The following SCAPER variants were observed in gnomAD, a reference collection of about 807,000 sequenced individuals.
The protein encoded by SCAPER is S phase cyclin A-associated protein in the endoplasmic reticulum.
Under a neutral mutation model 182.2 loss-of-function variants are expected in SCAPER, and 98 were observed. The ratio of observed to expected loss-of-function variants is 0.54; its 90% CI spans 0.46 to 0.64. The LOEUF (loss-of-function observed/expected upper bound fraction) is 0.64, where lower values mean the gene tolerates loss of function less well. SCAPER is among the 30% of genes least tolerant of loss of function. SCAPER has a pLI of 0.00. For synonymous variants in SCAPER, 605 were observed against 564.6 expected (o/e 1.07, Z -1.01); for missense variants, 1,432 against 1,690.0 (o/e 0.85, Z 2.68).
At position 76,795,411 on chromosome 15, in the gene SCAPER, C is replaced by G; in HGVS notation, c.641G>C (p.Arg214Pro). 1 of 1,606,546 alleles carries G rather than the reference C, an allele frequency of 6.2e-7. No individual in the cohort carries two copies. Reference sequence around the variant, plus strand: ...CCAACTGACACCTGTGGGAGCCAGACGAGGAGCTGGCACTGTGCCAGTTGA... The same window carrying G: ...CCAACTGACACCTGTGGGAGCCAGAGGAGGAGCTGGCACTGTGCCAGTTGA... ...GGSTGTVPAP[R>P]LAPTGVSWAD... Residue 214 changes from arginine (R) to proline (P), a missense_variant, in exon 8 of 32, where the codon CGT becomes CCT. This residue lies in a region of SCAPER where 480 missense variants were observed against 510.2 expected (regional missense o/e 0.94). Transcript: ENST00000563290.
At chr15:76,393,539 T>A (rs1020722517) in intron 27 of SCAPER, among the ~76,000 whole-genome samples, 4 of 152,216 alleles carry the variant, frequency 2.6e-5, no homozygotes, top group Admixed American at 6.5e-5. Context: ...AACTCATTTA[T>A]CTTTAGGGTA....
intron 4 of SCAPER, among the ~76,000 whole-genome samples, chr15:76,849,851 T>C (rs904155674): frequency 2.6e-5 from 4 of 152,082 alleles, no homozygotes; most frequent in African/African-American, 9.7e-5. Flanking sequence ...TGGAGAGCCC[T>C]CAGGAAACTT....
chr15:76,473,291 CG>C (rs1681298016), intron 24 of SCAPER, among the ~76,000 whole-genome samples: 1 of 152,140 alleles, frequency 6.6e-6, no homozygotes, highest in Admixed American at 6.5e-5. Context: ...ACACCGTTAA[CG>C]ATTATCTGCC....
In SCAPER at chr15:76,771,717, T is replaced by C. The variant is rs774732153; in HGVS notation, c.1248+25A>G. On this transcript the variant is annotated intron_variant, in intron 10 of 31. Coordinates refer to ENST00000563290, the MANE Select transcript of SCAPER (RefSeq NM_020843.4). ...ATATACTCAGAATTCTGATAAGTTG[T>C]TCTTACCAAGTTAGCAGCACTCACA... 8 of 1,568,904 alleles carry C rather than the reference T, an allele frequency of 5.1e-6. No homozygotes were observed. The highest frequency in any genetic ancestry group is 1.4e-5 in the African/African-American group (1 of 74,058).
intron 8 of SCAPER, among the ~76,000 whole-genome samples, chr15:76,776,159 T>G (rs2151346502): frequency 6.6e-6 from 1 of 152,268 alleles, no homozygotes; most frequent in East Asian, 1.9e-4. Flanking sequence ...GCCTCCTATG[T>G]ATTCCAGACA....
chr15:76,485,228 A>G (rs1172521529), intron 24 of SCAPER, among the ~76,000 whole-genome samples: 7 of 151,906 alleles, frequency 4.6e-5, no homozygotes, highest in Non-Finnish European at 1.0e-4. Context: ...CAATGTGTAA[A>G]TATCACCGAC....
chr15:76,626,982 G>C (rs1303114413), intron 21 of SCAPER, among the ~76,000 whole-genome samples: 2 of 152,202 alleles, frequency 1.3e-5, no homozygotes, highest in African/African-American at 4.8e-5. Flanking sequence ...AGAATAGCAA[G>C]AGATAAGGTT....
chr15:76,864,404 T>C (rs1035407060), intron 2 of SCAPER, among the ~76,000 whole-genome samples: 1 of 152,220 alleles, frequency 6.6e-6, no homozygotes, highest in African/African-American at 2.4e-5. Context: ...AGCATTTACG[T>C]ATGGTTCTTA....
chr15:76,670,170 A>G (rs895779719), intron 20 of SCAPER, among the ~76,000 whole-genome samples: 6 of 151,890 alleles, frequency 4.0e-5, no homozygotes, highest in Non-Finnish European at 7.4e-5. Context: ...AAATGTGTTC[A>G]TTATACAAAA....
At chr15:76,454,522 G>T (rs1393940753) in intron 25 of SCAPER, among the ~76,000 whole-genome samples, 1 of 152,060 alleles carries the variant, frequency 6.6e-6, no homozygotes, top group Non-Finnish European at 1.5e-5. Context: ...CTTAAACAAA[G>T]ATTTTATTAC....
chr15:76,824,951 T>A (rs1054717408), intron 5 of SCAPER, among the ~76,000 whole-genome samples: 1 of 152,190 alleles, frequency 6.6e-6, no homozygotes, highest in African/African-American at 2.4e-5. Flanking sequence ...TCAACTCACT[T>A]GCAAGTTGGC....
At chr15:76,449,293 T>C (rs777978486) in intron 25 of SCAPER, among the ~76,000 whole-genome samples, 2 of 152,236 alleles carry the variant, frequency 1.3e-5, no homozygotes, top group Non-Finnish European at 2.9e-5. Context: ...TTATTTCATG[T>C]AGTAAATCTC....
chr15:76,606,938 A>C (rs1383539756), intron 22 of SCAPER, among the ~76,000 whole-genome samples: 1 of 152,174 alleles, frequency 6.6e-6, no homozygotes, highest in Admixed American at 6.5e-5. Flanking sequence ...TTTCCTGAAT[A>C]CAGCACACTG....
At chr15:76,349,838 CA>C (rs2040417547) in intron 31 of SCAPER, 1 of 151,916 alleles carries the variant, frequency 6.6e-6, no homozygotes, top group Admixed American at 6.6e-5. Context: ...GAGACTTCCA[CA>C]GGCCTCAGTC....
chr15:76,511,811 C>T (rs2042044246), intron 23 of SCAPER, among the ~76,000 whole-genome samples: 2 of 148,526 alleles, frequency 1.3e-5, no homozygotes, highest in South Asian at 2.1e-4. Flanking sequence ...AGAAGGAAGG[C>T]TGACAAAGAT....
chr15:76,476,865 A>G (rs2050690091), intron 24 of SCAPER, among the ~76,000 whole-genome samples: 1 of 152,018 alleles, frequency 6.6e-6, no homozygotes, highest in East Asian at 1.9e-4. Context: ...TCCTGTGGAT[A>G]TAAAAATTTA....
At chr15:76,475,298 T>C (rs1331983799) in intron 24 of SCAPER, among the ~76,000 whole-genome samples, 1 of 151,948 alleles carries the variant, frequency 6.6e-6, no homozygotes, top group African/African-American at 2.4e-5. Context: ...CAGTTCTCCA[T>C]GACATCTAAT....
intron 20 of SCAPER, among the ~76,000 whole-genome samples, chr15:76,689,612 C>A (rs1444953993): frequency 2.0e-5 from 3 of 151,660 alleles, no homozygotes; most frequent in Non-Finnish European, 2.9e-5. Context: ...AACCTGAGGG[C>A]CTAGAAGTAG....
chr15:76,594,353 G>A lies in SCAPER; in HGVS notation c.2712-20069C>T, dbSNP rs1317844617. On this transcript the variant is annotated intron_variant, in intron 22 of 31. Transcript: ENST00000563290. ...GAAAAGAACACAACTACGTTTGATT[G>A]GTGTGCCTGAAAGTGACTGGGAGAA... is the stretch of plus-strand genomic sequence containing the variant. Among the ~76,000 whole-genome samples the A allele has an allele frequency of 7.4e-5, 9 of 120,872 alleles. 4 individuals carry two copies. The highest frequency in any genetic ancestry group is 1.8e-4 in the Non-Finnish European group (9 of 49,922). The allele number at this position is 120,872 out of a possible 152,430, so 79.3% of individuals were successfully genotyped here. A position where few individuals can be genotyped will look rare whatever the true frequency, so the allele number is the denominator to read the frequency against.
Sources: allele counts gnomAD v4.1 joint callset (sites outside exome capture counted in the v4.1 genomes callset), GRCh38; gene constraint gnomAD v4.1.1; regional missense constraint gnomAD v4.1.1; transcripts MANE v1.5; gene names NCBI Gene and HGNC (gene_info 2026-07-23, HGNC 2026-07-21).